The following LAMB4 variants were observed in gnomAD, a reference collection of about 807,000 sequenced individuals.
LAMB4 encodes laminin subunit beta 4.
A neutral mutation model predicts 199.2 loss-of-function variants in LAMB4; 196 were observed. That is an observed-to-expected ratio of 0.98 (90% CI 0.88 to 1.11). The LOEUF is 1.11. LAMB4 is among the 50% of genes least tolerant of loss of function. The pLI, the probability that LAMB4 is intolerant of heterozygous loss-of-function variation, is 0.00. For missense variants in LAMB4, 2,080 were observed against 2,171.2 expected, an observed-to-expected ratio of 0.96 and a Z score of 0.83; for synonymous variants, 744 against 770.6, an observed-to-expected ratio of 0.97 and a Z score of 0.57.
At chr7:108,107,507 T>C in intron 6 of LAMB4, 124 bp downstream of exon 6, 1 of 703,510 alleles carries the variant, frequency 1.4e-6, no homozygotes, top group Non-Finnish European at 2.3e-6. Context: ...GACACTTTCA[T>C]TTTCAAAAAA....
At chr7:108,078,438 A>G (rs2036791793) in intron 15 of LAMB4, 122 bp from the exon 16 acceptor site, 1 of 628,554 alleles carries the variant, frequency 1.6e-6, no homozygotes, top group Non-Finnish European at 2.8e-6. Flanking sequence ...GCCACTTGGC[A>G]AAGAGTTTTG....
At position 108,037,691 on chromosome 7, in the gene LAMB4, T is replaced by C. The variant is rs138748366; in HGVS notation, c.4472-96A>G. 6.7e-3 allele frequency: 5,790 copies of C among 865,268 alleles called. 32 individuals are homozygous for C. The highest frequency in any genetic ancestry group is 8.9e-3 in the Non-Finnish European group (4,721 of 528,372). The allele number at this position is 865,268 out of a possible 1,614,324, so 53.6% of individuals were successfully genotyped here. A position where few individuals can be genotyped will look rare whatever the true frequency, so the allele number is the denominator to read the frequency against. ...CAATGATGTCTCAGCCAAATGCACT[T>C]GCACTTGATTATGTGCCCCTAGAAT... On this transcript the variant is annotated intron_variant, in intron 29 of 33. Coordinates refer to ENST00000388781, the MANE Select transcript of LAMB4 (RefSeq NM_007356.3).
At chr7:108,012,278 T>C in the LAMB4 span, among the ~76,000 whole-genome samples, 1 of 152,200 alleles carries the variant, frequency 6.6e-6, no homozygotes, top group Non-Finnish European at 1.5e-5. Flanking sequence ...TATAAACATA[T>C]GAATAAAGTT....
Position 108,106,530 on chromosome 7 carries a change from G to C in LAMB4, c.634C>G (p.Pro212Ala), listed in dbSNP as rs141244006. ...VLDPSFEIEN[P>A]YSPYIQDLVT... ...ATACCTTGGATGTAGGGGCTATAAG[G>C]GTTTTCAATTTCAAAACTGGGATCC... The change falls in exon 7 of 34, where the codon CCT becomes GCT. Residue 212 changes from proline to alanine, a missense_variant. Transcript: ENST00000388781. The C allele has an allele frequency of 4.4e-6, 7 of 1,583,230 alleles. No homozygotes were observed. Among genetic ancestry groups the C allele is most frequent in the Non-Finnish European group, 5.2e-6 (6 of 1,154,090 alleles).
intron 31 of LAMB4, among the ~76,000 whole-genome samples, chr7:108,031,569 A>AT (rs1253614453): frequency 6.6e-6 from 1 of 151,814 alleles, no homozygotes. Context: ...TCTCTATAGC[A>AT]TTTTTTCTAC....
intron 33 of LAMB4, among the ~76,000 whole-genome samples, chr7:108,025,550 T>C (rs1281168527): frequency 1.3e-5 from 2 of 151,920 alleles, no homozygotes; most frequent in Non-Finnish European, 2.9e-5. Context: ...TGCCTCAGCC[T>C]CCTGAGTAGC....
intron 23 of LAMB4, 79 bp downstream of exon 23, chr7:108,062,695 A>G: frequency 1.2e-6 from 1 of 826,278 alleles, no homozygotes; most frequent in African/African-American, 1.8e-5. Flanking sequence ...CATAAAAGAA[A>G]CTTTCTTTAC....
chr7:108,067,895 C>A, intron 19 of LAMB4, 121 bp downstream of exon 19: 3 of 1,205,434 alleles, frequency 2.5e-6, no homozygotes, highest in Admixed American at 1.9e-5. Context: ...CATAGATAGT[C>A]TGAATAATGT....
At chr7:108,128,083 G>A (rs111722311) in intron 1 of LAMB4, among the ~76,000 whole-genome samples, 10 of 152,250 alleles carry the variant, frequency 6.6e-5, no homozygotes, top group Non-Finnish European at 8.8e-5. Context: ...ACAGGGGATC[G>A]AGGTCCTTTG....
chr7:108,029,753 C>A (rs1240914945), intron 32 of LAMB4, among the ~76,000 whole-genome samples: 1 of 152,056 alleles, frequency 6.6e-6, no homozygotes, highest in Non-Finnish European at 1.5e-5. Flanking sequence ...TGTTGACAAC[C>A]TAGAAGGTTA....
intron 31 of LAMB4, 35 bp downstream of exon 31, chr7:108,034,173 A>G (rs777238295): frequency 6.2e-7 from 1 of 1,609,602 alleles, no homozygotes; most frequent in Non-Finnish European, 8.5e-7. Flanking sequence ...TACCCTCAAA[A>G]CCTATTTCAG....
chr7:108,074,491 C>A (rs946333682), intron 17 of LAMB4, among the ~76,000 whole-genome samples: 3 of 152,228 alleles, frequency 2.0e-5, no homozygotes, highest in South Asian at 4.2e-4. Flanking sequence ...GTCTCAGCCT[C>A]CTGAGTAGCT....
In LAMB4 at chr7:108,054,160, A is replaced by G. The variant is rs113878052; in HGVS notation, c.3755+1472T>C. Among the ~76,000 whole-genome samples, 836 of 152,084 alleles carry G rather than the reference A, an allele frequency of 5.5e-3. 7 individuals carry two copies. Among genetic ancestry groups the G allele is most frequent in the African/African-American group, 0.019 (799 of 41,506 alleles). On this transcript the variant is annotated intron_variant, in intron 25 of 33. Coordinates refer to ENST00000388781, the MANE Select transcript of LAMB4 (RefSeq NM_007356.3). The stretch of plus-strand genomic sequence containing the variant: ...GCTATGTAGCCCAGGCTGGTCTCGA[A>G]CTCCTGGCCTCAAGTGATCCTACTG...
In LAMB4 at chr7:108,068,193, A is replaced by G. The variant is rs765430812; in HGVS notation, c.2303-34T>C. On this transcript the variant is annotated intron_variant, in intron 18 of 33. Transcript: ENST00000388781. The stretch of plus-strand genomic sequence containing the variant: ...AACAATGGAAGGGAGGTAGAAATGA[A>G]TGAAGAGGCAGAGAAGCACCTCACC... 3.1e-6 allele frequency: 5 copies of G among 1,610,936 alleles called. No homozygotes were observed. The South Asian group carries it at 5.5e-5, about 18-fold the overall frequency.
At chr7:108,015,320 C>T in the LAMB4 span, among the ~76,000 whole-genome samples, 1 of 152,182 alleles carries the variant, frequency 6.6e-6, no homozygotes, top group African/African-American at 2.4e-5. Flanking sequence ...TGAGCTTCTT[C>T]CCATGGTACG....
chr7:108,019,448 AT>A (rs1380354924), downstream of LAMB4, among the ~76,000 whole-genome samples: 1 of 152,064 alleles, frequency 6.6e-6, no homozygotes, highest in Non-Finnish European at 1.5e-5. Context: ...GAAGACCTTC[AT>A]TCTGTCAACT....
chr7:108,062,089 A>G (rs1240873281), intron 23 of LAMB4, among the ~76,000 whole-genome samples: 1 of 152,260 alleles, frequency 6.6e-6, no homozygotes, highest in Non-Finnish European at 1.5e-5. Context: ...GCCAAAAGAC[A>G]AAAACAAAAC....
intron 14 of LAMB4, among the ~76,000 whole-genome samples, chr7:108,090,524 G>A (rs1237291470): frequency 4.6e-5 from 7 of 152,044 alleles, no homozygotes; most frequent in African/African-American, 7.2e-5. Flanking sequence ...AATCAGCATT[G>A]TTTCAGATGC....
rs2036350955 is a variant in LAMB4, at chr7:108,066,578, T to A, written c.2469A>T (p.Gly823=). The change falls in exon 20 of 34, where the codon GGA becomes GGT. Residue 823 remains glycine, a synonymous_variant. Transcript: ENST00000388781. ...CTTGGTCACATACAGTGTCCTTTGA[T>A]CCTTGAGGATGGCAGTGACATGCTG... The part of the protein sequence containing the change: ...GCHPCHCHPQ[G]SKDTVCDQVT... 1 of 1,610,682 alleles carries A rather than the reference T, an allele frequency of 6.2e-7. No individual in the cohort carries two copies. Among genetic ancestry groups the A allele is most frequent in the African/African-American group, 1.3e-5 (1 of 74,888 alleles).
Sources: allele counts gnomAD v4.1 joint callset (sites outside exome capture counted in the v4.1 genomes callset), GRCh38; gene constraint gnomAD v4.1.1; transcripts MANE v1.5; gene names NCBI Gene and HGNC (gene_info 2026-07-23, HGNC 2026-07-21).